GRIP1: variants seen among roughly 807,000 people sequenced by gnomAD.
The protein encoded by GRIP1 is glutamate receptor-interacting protein 1.
Under a neutral mutation model 129.9 loss-of-function variants are expected in GRIP1, and 45 were observed. The observed-to-expected ratio is 0.35, with a 90% CI of 0.27 to 0.44. GRIP1 has a LOEUF of 0.44. GRIP1 is among the 20% of genes least tolerant of loss of function. The pLI is 1.00. For missense variants in GRIP1, 1,196 were observed against 1,396.8 expected (o/e 0.86, Z 2.29); for synonymous variants, 530 against 520.8 (o/e 1.02, Z -0.24).
intron 1 of GRIP1, among the ~76,000 whole-genome samples, chr12:66,918,506 A>G (rs937554328): frequency 1.3e-5 from 2 of 152,148 alleles, no homozygotes; most frequent in South Asian, 4.1e-4. Flanking sequence ...CATATAAAAC[A>G]AATGATCACC....
At chr12:66,515,269 T>TA (rs898428264) in intron 7 of GRIP1, among the ~76,000 whole-genome samples, 12 of 148,136 alleles carry the variant, frequency 8.1e-5, no homozygotes, top group South Asian at 2.2e-4. Flanking sequence ...TATGTAATAA[T>TA]AAAAAAAAAA....
At chr12:66,945,827 T>G (rs908030201) in intron 1 of GRIP1, among the ~76,000 whole-genome samples, 1 of 152,194 alleles carries the variant, frequency 6.6e-6, no homozygotes, top group Non-Finnish European at 1.5e-5. Context: ...CCATTCCACA[T>G]CCTATGAAAA....
chr12:66,382,925 G>A (rs994663338), intron 19 of GRIP1, among the ~76,000 whole-genome samples: 5 of 152,164 alleles, frequency 3.3e-5, no homozygotes, highest in African/African-American at 1.2e-4. Context: ...GGTGGGTCAT[G>A]AAGGGTGCCA....
intron 1 of GRIP1, among the ~76,000 whole-genome samples, chr12:66,687,034 CTGGG>C (rs1835884738): frequency 1.3e-5 from 2 of 152,126 alleles, no homozygotes; most frequent in African/African-American, 4.8e-5. Flanking sequence ...GCACTCCAGC[CTGGG>C]TGAGACAGCA....
chr12:66,538,762 C>G (rs1164488750), intron 4 of GRIP1, among the ~76,000 whole-genome samples: 9 of 151,456 alleles, frequency 5.9e-5, no homozygotes, highest in Non-Finnish European at 1.2e-4. Context: ...ACCACCATGC[C>G]CGACTAATTT....
intron 1 of GRIP1, among the ~76,000 whole-genome samples, chr12:66,890,992 A>C (rs889558856): frequency 1.4e-4 from 22 of 152,328 alleles, no homozygotes; most frequent in African/African-American, 4.8e-4. Context: ...AAAGTAGTAA[A>C]GTGTTGCTAT....
At chr12:66,482,387 T>G (rs2059831205) in intron 7 of GRIP1, among the ~76,000 whole-genome samples, 1 of 152,222 alleles carries the variant, frequency 6.6e-6, no homozygotes, top group Admixed American at 6.5e-5. Context: ...TTGACTTTAT[T>G]TTAATGAGCT....
chr12:66,408,801 C>A (rs924588898), intron 15 of GRIP1, among the ~76,000 whole-genome samples: 25 of 152,170 alleles, frequency 1.6e-4, no homozygotes, highest in Admixed American at 1.2e-3. Flanking sequence ...AGCCCATCGC[C>A]TTGAAAGAAG....
At chr12:66,533,487 A>G (rs1416555037) in intron 4 of GRIP1, among the ~76,000 whole-genome samples, 1 of 151,998 alleles carries the variant, frequency 6.6e-6, no homozygotes, top group Non-Finnish European at 1.5e-5. Flanking sequence ...TCTACTACAA[A>G]TATAAAAATT....
chr12:66,532,629 A>G (rs1057123146), intron 4 of GRIP1, among the ~76,000 whole-genome samples: 1 of 152,202 alleles, frequency 6.6e-6, no homozygotes, highest in Non-Finnish European at 1.5e-5. Context: ...AATTGCACTT[A>G]CATGGTTGTG....
chr12:66,432,432 C>A, intron 14 of GRIP1, 116 bp downstream of exon 14: 1 of 654,670 alleles, frequency 1.5e-6, no homozygotes. Context: ...ATTTTTGTAT[C>A]ATGATATAAA....
intron 1 of GRIP1, among the ~76,000 whole-genome samples, chr12:66,610,728 T>C (rs2139875317): frequency 6.6e-6 from 1 of 152,284 alleles, no homozygotes. Flanking sequence ...AATGCCAGGT[T>C]CACAGCTTGT....
chr12:66,904,415 T>G (rs1401537321), intron 1 of GRIP1, among the ~76,000 whole-genome samples: 1 of 152,190 alleles, frequency 6.6e-6, no homozygotes, highest in Admixed American at 6.5e-5. Flanking sequence ...AATCAATTGA[T>G]CTGAGAGTTG....
At chr12:66,421,396 T>C (rs930588488) in intron 14 of GRIP1, among the ~76,000 whole-genome samples, 1 of 152,058 alleles carries the variant, frequency 6.6e-6, no homozygotes, top group Non-Finnish European at 1.5e-5. Context: ...ACACAAAAAT[T>C]AGAAAGGCAT....
upstream of GRIP1, among the ~76,000 whole-genome samples, chr12:66,680,958 A>G (rs2034561210): frequency 6.8e-6 from 1 of 147,554 alleles, no homozygotes; most frequent in Non-Finnish European, 1.5e-5. Flanking sequence ...TTTTCCTAAT[A>G]TGCTTATTTT....
At chr12:66,522,155 G>C (rs2061035129) in intron 5 of GRIP1, among the ~76,000 whole-genome samples, 1 of 152,168 alleles carries the variant, frequency 6.6e-6, no homozygotes, top group Admixed American at 6.5e-5. Context: ...AGAGAGTAGT[G>C]GTTCTCCCAG....
intron 1 of GRIP1, among the ~76,000 whole-genome samples, chr12:66,886,985 T>TTTTCACTCTATCTCACCATCTCC (rs1361930462): frequency 6.6e-6 from 1 of 152,188 alleles, no homozygotes; most frequent in African/African-American, 2.4e-5. Context: ...CCATGTGCCC[T>TTTTCACTCTATCTCACCATCTCC]TTTCACTCTA....
intron 23 of GRIP1, among the ~76,000 whole-genome samples, chr12:66,369,516 T>C (rs1203683602): frequency 6.6e-6 from 1 of 152,174 alleles, no homozygotes; most frequent in Non-Finnish European, 1.5e-5. Flanking sequence ...TGGAGGTAAC[T>C]GTTTCACTCC....
intron 7 of GRIP1, among the ~76,000 whole-genome samples, chr12:66,487,419 A>T (rs1025870487): frequency 2.0e-5 from 3 of 152,192 alleles, no homozygotes; most frequent in Non-Finnish European, 4.4e-5. Flanking sequence ...TTTTTCAGAC[A>T]AGCAAATGCT....
Sources: allele counts gnomAD v4.1 joint callset (sites outside exome capture counted in the v4.1 genomes callset), GRCh38; gene constraint gnomAD v4.1.1; transcripts MANE v1.5; gene names NCBI Gene and HGNC (gene_info 2026-07-23, HGNC 2026-07-21).